The following GPAT3 variants were observed in gnomAD, a reference collection of about 807,000 sequenced individuals.
GPAT3 encodes 1-AGP acyltransferase 9.
In GPAT3, 53 loss-of-function variants were observed where a neutral mutation model predicts 58.8. The observed-to-expected ratio is 0.90, with a 90% confidence interval of 0.72 to 1.13. The LOEUF (loss-of-function observed/expected upper bound fraction) is 1.13. Among genes scored for constraint, GPAT3 ranks in the 50% most tolerant of loss-of-function variants. GPAT3 has a pLI of 0.00. For synonymous variants in GPAT3, 197 were observed against 187.4 expected (o/e 1.05, Z -0.42); for missense variants, 511 against 527.6 (o/e 0.97, Z 0.31).
At chr4:83,561,078 A>G (rs905494614) in intron 2 of GPAT3, among the ~76,000 whole-genome samples, 10 of 152,208 alleles carry the variant, frequency 6.6e-5, no homozygotes, top group Non-Finnish European at 1.3e-4. Flanking sequence ...GAGTTAATGT[A>G]TTTTGGAGAC....
intron 2 of GPAT3, among the ~76,000 whole-genome samples, chr4:83,546,965 G>A (rs1367319881): frequency 2.0e-5 from 3 of 152,016 alleles, no homozygotes; most frequent in Non-Finnish European, 2.9e-5. Context: ...ACTAGTATTT[G>A]GAGTCATCTG....
chr4:83,540,736 A>G (rs1724270844), intron 1 of GPAT3, among the ~76,000 whole-genome samples: 1 of 151,974 alleles, frequency 6.6e-6, no homozygotes, highest in Non-Finnish European at 1.5e-5. Flanking sequence ...CCCAGGCTGG[A>G]TGGAGTGCAG....
At chr4:83,603,477 T>TA (rs957051923) in intron 11 of GPAT3, among the ~76,000 whole-genome samples, 82 of 152,296 alleles carry the variant, frequency 5.4e-4, no homozygotes, top group African/African-American at 1.9e-3. Flanking sequence ...ATGCTGGAAA[T>TA]ATAGTGCTTT....
chr4:83,598,833 A>G, intron 11 of GPAT3, 110 bp downstream of exon 11: 1 of 739,148 alleles, frequency 1.4e-6, no homozygotes, highest in East Asian at 3.0e-5. Flanking sequence ...CAGTAGCATG[A>G]TCATAGTTCA....
At chr4:83,571,697 T>C (rs111675318) in intron 2 of GPAT3, among the ~76,000 whole-genome samples, 161 of 102,070 alleles carry the variant, frequency 1.6e-3, no homozygotes, top group Non-Finnish European at 1.3e-3. Context: ...TATATATATA[T>C]ACACACACAC....
chr4:83,603,616 C>T (rs1332524397), intron 11 of GPAT3, among the ~76,000 whole-genome samples: 2 of 151,884 alleles, frequency 1.3e-5, no homozygotes, highest in Admixed American at 6.6e-5. Context: ...CATGGAAAAA[C>T]CCTGTCTCTA....
At chr4:83,558,406 A>G (rs1725015055) in intron 2 of GPAT3, among the ~76,000 whole-genome samples, 1 of 152,158 alleles carries the variant, frequency 6.6e-6, no homozygotes, top group South Asian at 2.1e-4. Context: ...AACAAGGCAA[A>G]ACAGAACCTA....
chr4:83,557,961 C>A (rs1352168771), intron 2 of GPAT3, among the ~76,000 whole-genome samples: 1 of 152,068 alleles, frequency 6.6e-6, no homozygotes, highest in Non-Finnish European at 1.5e-5. Context: ...GCCTGTGATC[C>A]CAGCACTTTG....
intron 2 of GPAT3, among the ~76,000 whole-genome samples, chr4:83,563,478 C>CTTTTTTTTTTTTTTTTTTTTTTTTT (rs908400401): frequency 1.7e-5 from 2 of 114,456 alleles, no homozygotes; most frequent in Non-Finnish European, 1.8e-5. Context: ...TTTCTTTCTT[C>CTTTTTTTTTTTTTTTTTTTTTTTTT]TTTTTTTTTT....
chr4:83,547,192 C>T lies in GPAT3; in HGVS notation c.208+2590C>T, dbSNP rs565420169. ...AGTCCTGAAAATAGATTTTGAGGAG[C>T]TGAGAGGGAGAGTTATGCTTATTTT... On this transcript the variant is annotated intron_variant, in intron 2 of 11. Transcript: ENST00000264409. 3.3e-5 allele frequency among the ~76,000 whole-genome samples: 5 copies of T among 149,996 alleles called. No individual in the cohort carries two copies. In the South Asian group the frequency reaches 1.1e-3, roughly 32 times the overall value.
At chr4:83,588,971 C>A in intron 5 of GPAT3, among the ~76,000 whole-genome samples, 1 of 152,208 alleles carries the variant, frequency 6.6e-6, no homozygotes, top group East Asian at 1.9e-4. Context: ...GGCCAAGCTT[C>A]TCTTTTTTAC....
In GPAT3 at chr4:83,536,645, G is replaced by A. The variant is rs1331052436; in HGVS notation, c.23G>A (p.Gly8Glu). The stretch of plus-strand genomic sequence containing the variant: ...GTCATGGAGGGCGCAGAGCTGGCCG[G>A]GAAGATCCTTTCCACCTGGCTGACG... Reference protein sequence around the residue: MEGAELAGKILSTWLTLV... With the variant: MEGAELAEKILSTWLTLV... Residue 8 changes from glycine to glutamate, a missense_variant, in exon 1 of 12, where the codon GGG (glycine) becomes GAG (glutamate). Coordinates refer to ENST00000264409, the MANE Select transcript of GPAT3 (RefSeq NM_032717.5). 1 of 1,612,978 alleles carries A rather than the reference G, an allele frequency of 6.2e-7. No individual in the cohort carries two copies. The highest frequency in any genetic ancestry group is 8.5e-7 in the Non-Finnish European group (1 of 1,179,984).
chr4:83,573,196 G>A (rs886864437), intron 2 of GPAT3, among the ~76,000 whole-genome samples: 5 of 152,036 alleles, frequency 3.3e-5, no homozygotes, highest in African/African-American at 4.8e-5. Context: ...GTGCAGTGGC[G>A]TGATCTTGGT....
At position 83,605,003 on chromosome 4, in the gene GPAT3, G is replaced by A; in HGVS notation, c.*236G>A. On this transcript the variant is annotated 3_prime_UTR_variant, in exon 12 of 12. Coordinates refer to ENST00000264409, the MANE Select transcript of GPAT3 (RefSeq NM_032717.5). ...GGTTTACTGAGTTAAAACAGATTCT[G>A]CTTTTGTAAAATGATGGCATCACTG... The A allele has an allele frequency of 2.7e-6, 1 of 374,268 alleles. No homozygotes were observed. Among genetic ancestry groups the A allele is most frequent in the Non-Finnish European group, 4.8e-6 (1 of 206,716 alleles). The allele number at this position is 374,268 out of a possible 1,614,324, so 23.2% of individuals were successfully genotyped here. A position where few individuals can be genotyped will look rare whatever the true frequency, so the allele number is the denominator to read the frequency against.
chr4:83,552,821 T>A (rs1459212079), intron 2 of GPAT3, among the ~76,000 whole-genome samples: 2 of 152,008 alleles, frequency 1.3e-5, no homozygotes, highest in African/African-American at 4.8e-5. Flanking sequence ...TATTAGGAGG[T>A]GGGGCCTTTG....
intron 2 of GPAT3, among the ~76,000 whole-genome samples, chr4:83,545,247 C>A (rs543940859): frequency 8.1e-4 from 123 of 152,206 alleles, no homozygotes; most frequent in African/African-American, 2.9e-3. Flanking sequence ...TCAAGACCAG[C>A]CTGGGCAACA....
chr4:83,604,942 T>A lies in GPAT3; in HGVS notation c.*175T>A. 1.7e-6 allele frequency: 1 copy of A among 573,010 alleles called. No homozygotes were observed. Among genetic ancestry groups the A allele is most frequent in the Non-Finnish European group, 3.0e-6 (1 of 328,272 alleles). 35.5% of individuals were successfully genotyped at this position (573,010 alleles called of 1,614,324 possible). A position where few individuals can be genotyped will look rare whatever the true frequency, so the allele number is the denominator to read the frequency against. ...CTACAGGTGCCCTTTTTGGCTTTTG[T>A]TGTTGTTGTAACATTAGCCCCATGG... On this transcript the variant is annotated 3_prime_UTR_variant, in exon 12 of 12. Coordinates refer to ENST00000264409, the MANE Select transcript of GPAT3 (RefSeq NM_032717.5).
At position 83,591,135 on chromosome 4, in the gene GPAT3, A is replaced by C. The variant is rs546024827; in HGVS notation, c.738+843A>C. Among the ~76,000 whole-genome samples the C allele has an allele frequency of 2.0e-5, 3 of 152,146 alleles. No homozygotes were observed. The South Asian group carries it at 6.2e-4, about 32-fold the overall frequency. On this transcript the variant is annotated intron_variant, in intron 6 of 11. Coordinates refer to ENST00000264409, the MANE Select transcript of GPAT3 (RefSeq NM_032717.5). The stretch of plus-strand genomic sequence containing the variant: ...GTAGATGGGTTTTATTTCACTTACC[A>C]GTTCCAGGGATTGACAGCCATGGTT...
chr4:83,582,102 G>C (rs1371726059), intron 3 of GPAT3, among the ~76,000 whole-genome samples: 2 of 152,112 alleles, frequency 1.3e-5, no homozygotes, highest in Non-Finnish European at 2.9e-5. Context: ...CTTGAGGATG[G>C]AGAGAAAAGG....
Sources: allele counts gnomAD v4.1 joint callset (sites outside exome capture counted in the v4.1 genomes callset), GRCh38; gene constraint gnomAD v4.1.1; transcripts MANE v1.5; gene names NCBI Gene and HGNC (gene_info 2026-07-23, HGNC 2026-07-21).